KDM2A: variants seen among roughly 807,000 people sequenced by gnomAD.
KDM2A encodes lysine demethylase 2A.
KDM2A carries 3 observed loss-of-function variants against 137.3 expected under a neutral mutation model. That is an observed-to-expected ratio of 0.02 (90% CI 0.01 to 0.06). The LOEUF is 0.06. Among genes scored for constraint, KDM2A ranks in the 10% least tolerant of loss-of-function variants. The pLI is 1.00. For synonymous variants in KDM2A, 512 were observed against 541.5 expected (o/e 0.95, Z 0.76); for missense variants, 738 against 1,510.6 (o/e 0.49, Z 8.48).
intron 12 of KDM2A, among the ~76,000 whole-genome samples, chr11:67,242,473 A>G (rs193044503): frequency 1.2e-4 from 18 of 152,330 alleles, no homozygotes; most frequent in African/African-American, 4.1e-4. Context: ...AATGAAGGCA[A>G]TTACCTGATA....
intron 6 of KDM2A, among the ~76,000 whole-genome samples, chr11:67,213,650 T>A (rs1858064236): frequency 6.6e-6 from 1 of 150,626 alleles, no homozygotes; most frequent in African/African-American, 2.4e-5. Flanking sequence ...TCCCAGCTAC[T>A]CAAGAGGCTG....
chr11:67,172,745 T>A (rs1166347952), intron 2 of KDM2A, among the ~76,000 whole-genome samples: 1 of 152,100 alleles, frequency 6.6e-6, no homozygotes, highest in African/African-American at 2.4e-5. Flanking sequence ...TCTTGCCTAA[T>A]TGCCATAGCT....
rs375930125 is a variant in KDM2A, at chr11:67,245,197, C to T, written c.1572C>T (p.Phe524=). 3.1e-6 allele frequency: 5 copies of T among 1,612,584 alleles called. No homozygotes were observed. Among genetic ancestry groups the T allele is most frequent in the Non-Finnish European group, 3.4e-6 (4 of 1,178,902 alleles). ...CTGCTTTCTCTTTCCAGCTTAAATT[C>T]CCCACTCGGCCAAAGGTGCGGGTTC... is the stretch of plus-strand genomic sequence containing the variant. ...VQWPKRDKLK[F]PTRPKVRVPT... is the part of the protein sequence containing the mutation. Residue 524 remains phenylalanine (F), a synonymous_variant, in exon 14 of 21, where the codon TTC becomes TTT. Transcript: ENST00000529006. This position sits in a 1 kb window ranked among gnomAD's most constrained non-coding sequence, Gnocchi z 4.1.
At chr11:67,209,006 G>A (rs750714887) in intron 6 of KDM2A, among the ~76,000 whole-genome samples, 5 of 151,484 alleles carry the variant, frequency 3.3e-5, no homozygotes, top group Non-Finnish European at 5.9e-5. Flanking sequence ...CACGATCTCG[G>A]TTCACTGCAA....
chr11:67,191,236 A>G (rs187602061), intron 5 of KDM2A, among the ~76,000 whole-genome samples: 1 of 152,170 alleles, frequency 6.6e-6, no homozygotes, highest in East Asian at 1.9e-4. Context: ...CATGTTGGCC[A>G]GGATGGTCTC....
chr11:67,233,393 C>T (rs574239260), intron 12 of KDM2A, among the ~76,000 whole-genome samples: 2 of 143,324 alleles, frequency 1.4e-5, no homozygotes, highest in African/African-American at 5.2e-5. Flanking sequence ...ATGTCTCATG[C>T]CTGTAATCCC....
At chr11:67,148,163 T>C (rs1298104987) in intron 2 of KDM2A, among the ~76,000 whole-genome samples, 1 of 152,098 alleles carries the variant, frequency 6.6e-6, no homozygotes. Flanking sequence ...CTCATACATG[T>C]GATCACAACA....
chr11:67,213,071 T>G (rs1858040656), intron 6 of KDM2A, among the ~76,000 whole-genome samples: 1 of 152,248 alleles, frequency 6.6e-6, no homozygotes, highest in African/African-American at 2.4e-5. Flanking sequence ...CAGGTTAACC[T>G]TAACCGTTGC....
chr11:67,185,784 T>C (rs1170548337), intron 5 of KDM2A, among the ~76,000 whole-genome samples: 1 of 152,062 alleles, frequency 6.6e-6, no homozygotes, highest in African/African-American at 2.4e-5. Flanking sequence ...TATAAAAGCA[T>C]GAGTTCGGCC....
At chr11:67,217,660 GTT>G (rs1183717097) in intron 8 of KDM2A, 69 bp from the exon 9 acceptor site, 9 of 1,482,962 alleles carry the variant, frequency 6.1e-6, no homozygotes, top group Non-Finnish European at 8.4e-6. Flanking sequence ...TTTTGTACCT[GTT>G]TATCAGTTGA....
Position 67,228,849 on chromosome 11 carries a change from C to G in KDM2A, c.1084+686C>G, listed in dbSNP as rs140070601. Reference sequence around the variant, plus strand: ...ACTCCTGGGCTCAAGCAATCCCCCTCCTGAGTAACTAGGATTACAAGCACA... The same window carrying G: ...ACTCCTGGGCTCAAGCAATCCCCCTGCTGAGTAACTAGGATTACAAGCACA... On this transcript the variant is annotated intron_variant, in intron 11 of 20. Coordinates refer to ENST00000529006, the MANE Select transcript of KDM2A (RefSeq NM_012308.3). 5.5e-3 allele frequency among the ~76,000 whole-genome samples: 831 copies of G among 152,158 alleles called. 5 individuals are homozygous for G. Among genetic ancestry groups the G allele is most frequent in the Non-Finnish European group, 9.0e-3 (612 of 67,984 alleles).
intron 2 of KDM2A, among the ~76,000 whole-genome samples, chr11:67,179,621 G>A (rs1590753086): frequency 6.6e-6 from 1 of 152,180 alleles, no homozygotes; most frequent in African/African-American, 2.4e-5. Context: ...CTTTATCTGA[G>A]ACAAGGGTTT....
intron 11 of KDM2A, among the ~76,000 whole-genome samples, chr11:67,228,870 G>A (rs1858627370): frequency 6.6e-6 from 1 of 151,928 alleles, no homozygotes; most frequent in South Asian, 2.1e-4. Context: ...AGGATTACAA[G>A]CACACACCAC....
chr11:67,122,185 T>C (rs1045442064), intron 2 of KDM2A, among the ~76,000 whole-genome samples: 3 of 152,216 alleles, frequency 2.0e-5, no homozygotes, highest in Non-Finnish European at 4.4e-5. Flanking sequence ...TTTGCTGACC[T>C]GAAAGGCCTA....
Position 67,258,056 on chromosome 11 carries a change from AAAAT to A in KDM2A, c.*3005_*3008del, listed in dbSNP as rs1201924268. On this transcript the variant is annotated 3_prime_UTR_variant, in exon 21 of 21. Transcript: ENST00000529006. ...GTTTGGGGGTTTTTGTTTTTTTAAA[AAAAT>A]AAAAAGGCTTTAAAAACAAAAACTA... 6.6e-6 allele frequency: 1 copy of A among 152,228 alleles called. No homozygotes were observed. Among genetic ancestry groups the A allele is most frequent in the Non-Finnish European group, 1.5e-5 (1 of 68,048 alleles). The allele number at this position is 152,228 out of a possible 1,614,324, so 9.4% of individuals were successfully genotyped here.
chr11:67,124,016 T>G (rs550519822), intron 2 of KDM2A, among the ~76,000 whole-genome samples: 2 of 152,172 alleles, frequency 1.3e-5, no homozygotes, highest in African/African-American at 4.8e-5. Context: ...TTGGTTTGTT[T>G]GTTTTGAGAC....
At position 67,246,002 on chromosome 11, in the gene KDM2A, A is replaced by G. The variant is rs1321786257; in HGVS notation, c.1851A>G (p.Ser617=). 1.9e-6 allele frequency: 3 copies of G among 1,614,034 alleles called. No homozygotes were observed. Residue 617 remains serine (S), a synonymous_variant, in exon 15 of 21, where the codon TCA becomes TCG. Coordinates refer to ENST00000529006, the MANE Select transcript of KDM2A (RefSeq NM_012308.3). ...RQCLAPRLPH[S]VTCSLCGEVD... ...TCTTGTAGCCCAGACTGCCTCACTCAGTCACATGTTCCCTCTGTGGAGAGG... is the reference window on the plus strand; with the variant it reads ...TCTTGTAGCCCAGACTGCCTCACTCGGTCACATGTTCCCTCTGTGGAGAGG...
At chr11:67,183,410 T>G (rs1180156191) in intron 5 of KDM2A, among the ~76,000 whole-genome samples, 1 of 152,224 alleles carries the variant, frequency 6.6e-6, no homozygotes, top group Non-Finnish European at 1.5e-5. Flanking sequence ...GAATTGCTTG[T>G]GATATTGTTA....
intron 10 of KDM2A, 77 bp from the exon 11 acceptor site, chr11:67,227,960 A>G (rs1858598490): frequency 1.4e-6 from 2 of 1,448,304 alleles, no homozygotes; most frequent in Non-Finnish European, 1.9e-6. Context: ...TCCTGGGTTA[A>G]TGATTACAGT....
Sources: allele counts gnomAD v4.1 joint callset (sites outside exome capture counted in the v4.1 genomes callset), GRCh38; gene constraint gnomAD v4.1.1; non-coding constraint Gnocchi (gnomAD v3.1); transcripts MANE v1.5; gene names NCBI Gene and HGNC (gene_info 2026-07-23, HGNC 2026-07-21).